The following PLEKHM3 variants were observed in gnomAD, a reference collection of about 807,000 sequenced individuals.
PLEKHM3 encodes the protein pleckstrin homology domain-containing family M member 3.
In PLEKHM3, 45 loss-of-function variants were observed where a neutral mutation model predicts 81.8. The ratio of observed to expected loss-of-function variants is 0.55; its 90% confidence interval spans 0.43 to 0.71. The LOEUF is 0.71. Among genes scored for constraint, PLEKHM3 ranks in the 30% least tolerant of loss-of-function variants. The pLI is 0.00. For synonymous variants in PLEKHM3, 352 were observed against 356.4 expected (o/e 0.99, Z 0.14); for missense variants, 788 against 924.3 (o/e 0.85, Z 1.91).
chr2:207,936,405 T>G lies in PLEKHM3; in HGVS notation c.1693-5286A>C, dbSNP rs1689752883. 3.9e-5 allele frequency among the ~76,000 whole-genome samples: 6 copies of G among 152,224 alleles called. No individual in the cohort carries two copies. In the South Asian group the frequency reaches 1.2e-3, roughly 31 times the overall value. The stretch of plus-strand genomic sequence containing the variant: ...AATAAATACTTGTTGAACAAATGAA[T>G]GAATAATTTACAATGCTCTGGCCAC... On this transcript the variant is annotated intron_variant, in intron 4 of 7. Coordinates refer to ENST00000427836, the MANE Select transcript of PLEKHM3 (RefSeq NM_001080475.3).
rs1194606593 is a variant in PLEKHM3 at position 207,822,988 on chromosome 2, C to A, written c.*5331G>T. ...GGAAGATCCAGGGAAAAGAGAGAGG[C>A]TGGTTTGCAGCTTCACGGCCAATAG... On this transcript the variant is annotated 3_prime_UTR_variant, in exon 8 of 8. Transcript: ENST00000427836. 1 of 152,342 alleles carries A rather than the reference C, an allele frequency of 6.6e-6. No homozygotes were observed. The highest frequency in any genetic ancestry group is 2.4e-5 in the African/African-American group (1 of 41,454). 9.4% of individuals were successfully genotyped at this position (152,342 alleles called of 1,614,324 possible).
intron 6 of PLEKHM3, among the ~76,000 whole-genome samples, chr2:207,899,250 G>T (rs1037796767): frequency 3.9e-5 from 6 of 152,186 alleles, no homozygotes; most frequent in Non-Finnish European, 8.8e-5. Context: ...AGTGCCTTCT[G>T]GTTATCCTTC....
At chr2:207,867,669 T>C (rs565846585) in intron 6 of PLEKHM3, among the ~76,000 whole-genome samples, 1 of 152,128 alleles carries the variant, frequency 6.6e-6, no homozygotes, top group Non-Finnish European at 1.5e-5. Flanking sequence ...TCATTTTATA[T>C]ATAATACATA....
At chr2:207,981,693 G>A (rs1183378883) in intron 2 of PLEKHM3, among the ~76,000 whole-genome samples, 1 of 152,086 alleles carries the variant, frequency 6.6e-6, no homozygotes, top group Non-Finnish European at 1.5e-5. Context: ...CAGAAGCTAT[G>A]TATTTAAATC....
chr2:207,830,526 T>C (rs1359049516), intron 7 of PLEKHM3, among the ~76,000 whole-genome samples: 6 of 151,268 alleles, frequency 4.0e-5, no homozygotes, highest in Admixed American at 6.6e-5. Flanking sequence ...GGCAGGAGAA[T>C]TGCTTGAACC....
intron 5 of PLEKHM3, among the ~76,000 whole-genome samples, chr2:207,918,872 T>A (rs1161325260): frequency 2.0e-5 from 3 of 152,208 alleles, no homozygotes. Flanking sequence ...CCAGTGCATG[T>A]GGCTGCATAG....
chr2:208,013,951 T>C (rs1309175053), intron 1 of PLEKHM3, among the ~76,000 whole-genome samples: 1 of 152,212 alleles, frequency 6.6e-6, no homozygotes, highest in Non-Finnish European at 1.5e-5. Context: ...CTGCTGAACT[T>C]GAACCTGCTA....
Position 207,850,970 on chromosome 2 carries a change from C to T in PLEKHM3, c.2108+10135G>A, listed in dbSNP as rs531789692. ...AAGATTGAGACCAGCCTGACCAACA[C>T]GATGAAACCCCATCTCTACTAAAAA... On this transcript the variant is annotated intron_variant, in intron 7 of 7. Transcript: ENST00000427836. Among the ~76,000 whole-genome samples, 105 of 151,898 alleles carry T rather than the reference C, an allele frequency of 6.9e-4. No individual in the cohort carries two copies. In the East Asian group the frequency reaches 9.2e-3, roughly 13 times the overall value.
At chr2:208,021,559 A>G (rs1252167062) in intron 1 of PLEKHM3, among the ~76,000 whole-genome samples, 1 of 152,240 alleles carries the variant, frequency 6.6e-6, no homozygotes, top group African/African-American at 2.4e-5. Flanking sequence ...TTGACTGTAC[A>G]ATGTTTTATA....
intron 7 of PLEKHM3, among the ~76,000 whole-genome samples, chr2:207,842,817 C>G (rs967003331): frequency 2.0e-5 from 3 of 152,068 alleles, no homozygotes; most frequent in Non-Finnish European, 4.4e-5. Context: ...ACTCATAAGA[C>G]AGAAATATGA....
At chr2:207,873,143 TA>T (rs2092543665) in intron 6 of PLEKHM3, among the ~76,000 whole-genome samples, 2 of 151,844 alleles carry the variant, frequency 1.3e-5, no homozygotes, top group South Asian at 2.1e-4. Context: ...TAGTGATATT[TA>T]AAAAAAGAAG....
chr2:207,853,196 G>A (rs535075874), intron 7 of PLEKHM3, among the ~76,000 whole-genome samples: 17 of 152,196 alleles, frequency 1.1e-4, no homozygotes, highest in Admixed American at 9.8e-4. Flanking sequence ...AGGCCAAGGC[G>A]GGTGGATCAC....
intron 3 of PLEKHM3, among the ~76,000 whole-genome samples, chr2:207,960,598 GTA>G (rs1690694882): frequency 6.6e-6 from 1 of 152,224 alleles, no homozygotes; most frequent in African/African-American, 2.4e-5. Flanking sequence ...TATTAACCCT[GTA>G]AAACTCCTGC....
intron 6 of PLEKHM3, among the ~76,000 whole-genome samples, chr2:207,904,236 T>C (rs1688533252): frequency 6.6e-6 from 1 of 152,170 alleles, no homozygotes; most frequent in African/African-American, 2.4e-5. Context: ...TTCAAAGAGT[T>C]TGGATTGAAT....
rs551837435 is a variant in PLEKHM3 at position 207,927,285 on chromosome 2, T to C, written c.1886+3641A>G. Among the ~76,000 whole-genome samples, 6 of 152,258 alleles carry C rather than the reference T, an allele frequency of 3.9e-5. No individual in the cohort carries two copies. The South Asian group carries it at 8.3e-4, about 21-fold the overall frequency. ...GATAAACTCATTACATATAAAGGTA[T>C]TGGTGACTAACTTTGTTTTTAAGAA... On this transcript the variant is annotated intron_variant, in intron 5 of 7. Transcript: ENST00000427836.
chr2:207,832,983 G>A (rs2092296834), intron 7 of PLEKHM3, among the ~76,000 whole-genome samples: 1 of 151,688 alleles, frequency 6.6e-6, no homozygotes, highest in Non-Finnish European at 1.5e-5. Flanking sequence ...GTGGTGGCGT[G>A]TGCCTGTAAT....
At chr2:207,973,498 G>A (rs1691195518) in intron 3 of PLEKHM3, among the ~76,000 whole-genome samples, 1 of 152,202 alleles carries the variant, frequency 6.6e-6, no homozygotes, top group African/African-American at 2.4e-5. Flanking sequence ...CAGCACTTTG[G>A]GAGGCTGAGG....
At chr2:207,841,192 C>T (rs888600988) in intron 7 of PLEKHM3, among the ~76,000 whole-genome samples, 9 of 151,042 alleles carry the variant, frequency 6.0e-5, no homozygotes, top group East Asian at 3.9e-4. Context: ...ATAGACTGGG[C>T]GCGGTGGCTC....
At chr2:207,881,694 A>G (rs914019762) in intron 6 of PLEKHM3, among the ~76,000 whole-genome samples, 9 of 152,230 alleles carry the variant, frequency 5.9e-5, no homozygotes, top group African/African-American at 2.2e-4. Flanking sequence ...GTCCCGTGAC[A>G]GCCTGCGGTA....
Sources: allele counts gnomAD v4.1 joint callset (sites outside exome capture counted in the v4.1 genomes callset), GRCh38; gene constraint gnomAD v4.1.1; transcripts MANE v1.5; gene names NCBI Gene and HGNC (gene_info 2026-07-23, HGNC 2026-07-21).